CSMD1: variants seen among roughly 807,000 people sequenced by gnomAD.
CSMD1 encodes the protein CUB and sushi domain-containing protein 1.
CSMD1 carries 213 observed loss-of-function variants against 417.5 expected under a neutral mutation model. That is an observed-to-expected ratio of 0.51 (90% CI 0.46 to 0.57). The LOEUF (loss-of-function observed/expected upper bound fraction) is 0.57. Among genes scored for constraint, CSMD1 ranks in the 20% least tolerant of loss-of-function variants. The probability of loss-of-function intolerance (pLI) is 0.00; values close to 1 mark genes in which losing one functional copy is unlikely to be tolerated. For missense variants in CSMD1, 6,923 were observed against 4,529.7 expected (o/e 1.53, Z -15.17); for synonymous variants, 2,862 against 1,736.8 (o/e 1.65, Z -16.11).
chr8:3,653,867 A>G (rs763091619), intron 7 of CSMD1, among the ~76,000 whole-genome samples: 2 of 152,196 alleles, frequency 1.3e-5, no homozygotes, highest in Non-Finnish European at 2.9e-5. Context: ...ATTCCCAGAA[A>G]TGACTGTCTT....
At chr8:4,757,539 G>C (rs1311960346) in intron 1 of CSMD1, among the ~76,000 whole-genome samples, 1 of 152,170 alleles carries the variant, frequency 6.6e-6, no homozygotes, top group Admixed American at 6.5e-5. Flanking sequence ...TCCCTACCAT[G>C]TAGGTGACAC....
At chr8:4,426,484 C>G (rs1171181783) in intron 2 of CSMD1, among the ~76,000 whole-genome samples, 1 of 146,758 alleles carries the variant, frequency 6.8e-6, no homozygotes, top group Non-Finnish European at 1.5e-5. Context: ...ATATATATGA[C>G]ATATATAGTA....
At chr8:4,570,753 G>A (rs1299997197) in intron 2 of CSMD1, among the ~76,000 whole-genome samples, 1 of 152,106 alleles carries the variant, frequency 6.6e-6, no homozygotes, top group Admixed American at 6.6e-5. Context: ...GTAGAATTCG[G>A]CTGTGAATCT....
At chr8:3,878,517 T>G (rs941173732) in intron 5 of CSMD1, among the ~76,000 whole-genome samples, 1 of 152,112 alleles carries the variant, frequency 6.6e-6, no homozygotes, top group Non-Finnish European at 1.5e-5. Flanking sequence ...AATATTTTTA[T>G]TTATTTAAAA....
intron 3 of CSMD1, among the ~76,000 whole-genome samples, chr8:4,277,878 G>A (rs918088428): frequency 6.6e-6 from 1 of 152,008 alleles, no homozygotes; most frequent in African/African-American, 2.4e-5. Context: ...CTCCCGAGTA[G>A]ATGGGACTAC....
chr8:3,918,016 A>G (rs1171396671), intron 5 of CSMD1, among the ~76,000 whole-genome samples: 2 of 152,240 alleles, frequency 1.3e-5, no homozygotes, highest in African/African-American at 4.8e-5. Context: ...TGCTGTTGCA[A>G]ATGGCACAAT....
intron 5 of CSMD1, among the ~76,000 whole-genome samples, chr8:3,823,604 T>C (rs114259260): frequency 0.011 from 1,707 of 152,252 alleles, 30 homozygotes; most frequent in African/African-American, 0.039. Context: ...ATTCAACTTA[T>C]GCTTGAATCA....
At chr8:3,381,673 A>G (rs371021086) in intron 18 of CSMD1, among the ~76,000 whole-genome samples, 7 of 152,176 alleles carry the variant, frequency 4.6e-5, no homozygotes, top group East Asian at 1.9e-4. Flanking sequence ...ATACAGACAC[A>G]TGTAGTTTAT....
chr8:3,381,288 G>C (rs1256934257), intron 18 of CSMD1, among the ~76,000 whole-genome samples: 4 of 151,766 alleles, frequency 2.6e-5, no homozygotes, highest in African/African-American at 9.7e-5. Context: ...AAAGAGAGCA[G>C]CTTACACACA....
At chr8:4,433,336 T>G (rs1230585046) in intron 2 of CSMD1, among the ~76,000 whole-genome samples, 1 of 152,128 alleles carries the variant, frequency 6.6e-6, no homozygotes, top group Non-Finnish European at 1.5e-5. Context: ...ACCAGAAAGG[T>G]TGGGGACTGC....
At chr8:4,246,697 T>C (rs373159152) in intron 3 of CSMD1, among the ~76,000 whole-genome samples, 58 of 152,272 alleles carry the variant, frequency 3.8e-4, no homozygotes, top group South Asian at 1.4e-3. Context: ...TCCTTAATTT[T>C]TCATTGTTTT....
chr8:3,825,345 C>A (rs938578264), intron 5 of CSMD1, among the ~76,000 whole-genome samples: 1 of 152,096 alleles, frequency 6.6e-6, no homozygotes, highest in African/African-American at 2.4e-5. Flanking sequence ...GCTTGGCCAA[C>A]ATGGTGAAAC....
chr8:3,569,713 G>C (rs537106512), intron 10 of CSMD1, among the ~76,000 whole-genome samples: 293 of 152,210 alleles, frequency 1.9e-3, no homozygotes, highest in African/African-American at 6.6e-3. Flanking sequence ...CACTTACTTG[G>C]AATGTCTCCC....
chr8:3,659,288 CA>C (rs1394616641), intron 7 of CSMD1, among the ~76,000 whole-genome samples: 1 of 152,150 alleles, frequency 6.6e-6, no homozygotes, highest in Non-Finnish European at 1.5e-5. Context: ...CAGAGATGAT[CA>C]CCTTCTTGAC....
Position 4,157,325 on chromosome 8 carries a change from G to C in CSMD1, c.416-125226C>G, listed in dbSNP as rs57442283. On this transcript the variant is annotated intron_variant, in intron 3 of 69. Transcript: ENST00000635120. ...GGTCACTGCACCAGCAACTCAGGGT[G>C]GGCAGAGCCCAAGATATTTACCATC... Among the ~76,000 whole-genome samples, 48 of 152,300 alleles carry C rather than the reference G, an allele frequency of 3.2e-4. No individual in the cohort carries two copies. The East Asian group carries it at 7.4e-3, about 23-fold the overall frequency.
chr8:4,599,354 C>T (rs1441949830), intron 2 of CSMD1, among the ~76,000 whole-genome samples: 1 of 151,818 alleles, frequency 6.6e-6, no homozygotes, highest in Admixed American at 6.6e-5. Context: ...AGCATGGTCA[C>T]CCTGGAAGAA....
chr8:4,316,821 G>T (rs1216657727), intron 3 of CSMD1, among the ~76,000 whole-genome samples: 1 of 152,016 alleles, frequency 6.6e-6, no homozygotes, highest in African/African-American at 2.4e-5. Flanking sequence ...GTCAGCACTC[G>T]GTAAACGCAA....
intron 5 of CSMD1, among the ~76,000 whole-genome samples, chr8:3,846,447 A>C (rs1393121508): frequency 2.6e-5 from 4 of 152,200 alleles, no homozygotes; most frequent in Non-Finnish European, 5.9e-5. Context: ...AGAAGATGAC[A>C]GTTACTCAAA....
intron 3 of CSMD1, among the ~76,000 whole-genome samples, chr8:4,043,902 C>G (rs1332246024): frequency 6.6e-6 from 1 of 152,086 alleles, no homozygotes; most frequent in Non-Finnish European, 1.5e-5. Flanking sequence ...CACAGATAAA[C>G]CTGAATCTGT....
Sources: gnomAD v4.1 joint callset for allele counts (sites outside exome capture counted in the v4.1 genomes callset) on GRCh38, gnomAD v4.1.1 for gene constraint, MANE v1.5 for transcripts, NCBI Gene and HGNC (gene_info 2026-07-23, HGNC 2026-07-21) for gene names.